EYS: variants seen among roughly 807,000 people sequenced by gnomAD.
EYS encodes the protein EGF-like photoreceptor maintenance factor, also known as protein eyes shut homolog.
A neutral mutation model predicts 282.1 loss-of-function variants in EYS; 250 were observed. That is an observed-to-expected ratio of 0.89 (90% CI 0.80 to 0.98). EYS has a LOEUF of 0.98. EYS is among the 50% of genes least tolerant of loss of function. The probability of loss-of-function intolerance (pLI) is 0.00; values close to 1 mark genes in which losing one functional copy is unlikely to be tolerated. For missense variants in EYS, 4,016 were observed against 3,709.0 expected, an observed-to-expected ratio of 1.08 and a Z score of -2.15; for synonymous variants, 1,355 against 1,282.9, an observed-to-expected ratio of 1.06 and a Z score of -1.20.
At chr6:65,179,972 T>C (rs1196675612) in intron 12 of EYS, among the ~76,000 whole-genome samples, 2 of 152,086 alleles carry the variant, frequency 1.3e-5, no homozygotes, top group African/African-American at 4.8e-5. Context: ...ATTATCTCAA[T>C]AGATGCATAA....
intron 32 of EYS, among the ~76,000 whole-genome samples, chr6:64,070,608 A>T (rs1186534245): frequency 6.6e-6 from 1 of 152,058 alleles, no homozygotes; most frequent in African/African-American, 2.4e-5. Context: ...AGTAGTTTTC[A>T]TAGTGTCTAG....
At chr6:65,335,268 G>A in intron 10 of EYS, 122 bp from the exon 11 acceptor site, 1 of 744,612 alleles carries the variant, frequency 1.3e-6, no homozygotes, top group South Asian at 1.5e-5. Flanking sequence ...CTAGGGTTAA[G>A]GAAACAGAAG....
rs115400959 is a variant in EYS, at chr6:64,792,389, T to C, written c.3443+20989A>G. 5.6e-3 allele frequency among the ~76,000 whole-genome samples: 847 copies of C among 152,044 alleles called. 6 individuals are homozygous for C. The highest frequency in any genetic ancestry group is 0.019 in the African/African-American group (795 of 41,546). On this transcript the variant is annotated intron_variant, in intron 22 of 42. Transcript: ENST00000503581. ...TTTATAAATATTAAAATATAAAATT[T>C]AGATTGTTACTGTGGAGAATTTTTA... is the stretch of plus-strand genomic sequence containing the variant.
intron 15 of EYS, among the ~76,000 whole-genome samples, chr6:64,939,611 G>A (rs1011640890): frequency 6.6e-6 from 1 of 151,436 alleles, no homozygotes; most frequent in Non-Finnish European, 1.5e-5. Flanking sequence ...CATTTTGTTG[G>A]GATATATAAG....
At chr6:64,343,556 C>T (rs1308469333) in intron 29 of EYS, among the ~76,000 whole-genome samples, 4 of 151,906 alleles carry the variant, frequency 2.6e-5, no homozygotes, top group South Asian at 2.1e-4. Flanking sequence ...ACATTCAAAG[C>T]AGTGTGTAGA....
chr6:64,089,008 A>G (rs907165669), intron 31 of EYS, among the ~76,000 whole-genome samples: 6 of 152,000 alleles, frequency 3.9e-5, no homozygotes, highest in African/African-American at 9.7e-5. Flanking sequence ...CTATTTCTTT[A>G]TAATGGAAAT....
chr6:65,590,925 C>G (rs1460992168), intron 2 of EYS, among the ~76,000 whole-genome samples: 1 of 151,282 alleles, frequency 6.6e-6, no homozygotes, highest in African/African-American at 2.4e-5. Context: ...GTGAATAGTG[C>G]TACAATAAAC....
chr6:65,305,523 A>G (rs1195307367), intron 11 of EYS, among the ~76,000 whole-genome samples: 1 of 152,194 alleles, frequency 6.6e-6, no homozygotes, highest in Admixed American at 6.5e-5. Flanking sequence ...TAATGTGGGC[A>G]TAACTCTTTG....
At chr6:64,346,362 C>T in intron 29 of EYS, among the ~76,000 whole-genome samples, 1 of 152,010 alleles carries the variant, frequency 6.6e-6, no homozygotes, top group Non-Finnish European at 1.5e-5. Flanking sequence ...CCATGGAATA[C>T]TATGCAGCCA....
At chr6:64,396,295 C>G (rs776681121) in intron 28 of EYS, among the ~76,000 whole-genome samples, 6 of 152,066 alleles carry the variant, frequency 3.9e-5, no homozygotes, top group Non-Finnish European at 7.4e-5. Context: ...GTTTGATGTA[C>G]AGAAATGTGC....
intron 13 of EYS, among the ~76,000 whole-genome samples, chr6:65,038,702 T>C (rs955652490): frequency 1.3e-5 from 2 of 151,526 alleles, no homozygotes; most frequent in African/African-American, 2.4e-5. Context: ...TTTTATCTTT[T>C]TACCAACAGT....
Position 65,271,075 on chromosome 6 carries a change from G to A in EYS, c.2023+24788C>T, listed in dbSNP as rs142015998. Among the ~76,000 whole-genome samples, 358 of 133,754 alleles carry A rather than the reference G, an allele frequency of 2.7e-3. 1 individual carries two copies. The highest frequency in any genetic ancestry group is 7.4e-3 in the African/African-American group (272 of 36,660). 87.7% of individuals were successfully genotyped at this position (133,754 alleles called of 152,430 possible). Reference sequence around the variant, plus strand: ...GTACTTATCATAACAACATCCCACCGTCTCGATACCAAAATCTGTTTTAGG... The same window carrying A: ...GTACTTATCATAACAACATCCCACCATCTCGATACCAAAATCTGTTTTAGG... On this transcript the variant is annotated intron_variant, in intron 12 of 42. Coordinates refer to ENST00000503581, the MANE Select transcript of EYS (RefSeq NM_001142800.2).
chr6:65,122,351 A>G (rs1379184767), intron 12 of EYS, among the ~76,000 whole-genome samples: 1 of 152,128 alleles, frequency 6.6e-6, no homozygotes, highest in Non-Finnish European at 1.5e-5. Context: ...CCTAATAATA[A>G]TGTTTATAAT....
At chr6:64,662,517 A>G (rs1332440293) in intron 22 of EYS, among the ~76,000 whole-genome samples, 1 of 152,190 alleles carries the variant, frequency 6.6e-6, no homozygotes, top group Non-Finnish European at 1.5e-5. Context: ...TGGGACAGCA[A>G]GCAGATATGC....
At chr6:64,197,634 T>A (rs1229622757) in intron 31 of EYS, among the ~76,000 whole-genome samples, 1 of 152,096 alleles carries the variant, frequency 6.6e-6, no homozygotes, top group Non-Finnish European at 1.5e-5. Context: ...TTGCTGCTAT[T>A]TTTTTATTTT....
chr6:64,389,302 C>T (rs1160392374), intron 28 of EYS, among the ~76,000 whole-genome samples: 1 of 152,046 alleles, frequency 6.6e-6, no homozygotes, highest in Non-Finnish European at 1.5e-5. Context: ...ATAAGCAAAG[C>T]ACAGAAAAAT....
chr6:63,863,996 T>C (rs1023511253), intron 36 of EYS, among the ~76,000 whole-genome samples, 190 bp downstream of exon 36: 3 of 152,126 alleles, frequency 2.0e-5, no homozygotes, highest in African/African-American at 7.2e-5. Flanking sequence ...AATTACTTGA[T>C]GGGTATGAGA....
intron 22 of EYS, among the ~76,000 whole-genome samples, chr6:64,698,910 G>T (rs980775565): frequency 2.0e-5 from 3 of 152,120 alleles, no homozygotes; most frequent in African/African-American, 7.2e-5. Context: ...GTAGAAAGTG[G>T]TATGGTGATT....
chr6:65,113,556 G>T (rs1423046130), intron 12 of EYS, among the ~76,000 whole-genome samples: 1 of 151,958 alleles, frequency 6.6e-6, no homozygotes. Flanking sequence ...GTATCTTCTA[G>T]CTGTATTCAA....
Sources: allele counts gnomAD v4.1 joint callset (sites outside exome capture counted in the v4.1 genomes callset), GRCh38; gene constraint gnomAD v4.1.1; transcripts MANE v1.5; gene names NCBI Gene and HGNC (gene_info 2026-07-23, HGNC 2026-07-21).